TRDN: variants seen among roughly 807,000 people sequenced by gnomAD.
The protein encoded by TRDN is triadin.
TRDN carries 161 observed loss-of-function variants against 149.7 expected under a neutral mutation model. The ratio of observed to expected loss-of-function variants is 1.08; its 90% CI spans 0.95 to 1.23. TRDN has a LOEUF of 1.23. Ranked by LOEUF, TRDN falls within the 50% of genes most tolerant of loss-of-function variation. The pLI is 0.00. For synonymous variants in TRDN, 294 were observed against 250.5 expected (o/e 1.17, Z -1.64); for missense variants, 896 against 823.5 (o/e 1.09, Z -1.08).
At chr6:123,278,837 T>C (rs757490713) in intron 25 of TRDN, among the ~76,000 whole-genome samples, 1 of 152,178 alleles carries the variant, frequency 6.6e-6, no homozygotes, top group Non-Finnish European at 1.5e-5. Flanking sequence ...TAAGGAAAGA[T>C]GCTTCCAGTG....
chr6:123,549,018 A>T (rs9482405), intron 2 of TRDN, among the ~76,000 whole-genome samples: 74,655 of 151,798 alleles, frequency 0.49, 19,121 homozygotes, highest in Non-Finnish European at 0.53. Flanking sequence ...CAGACAAATA[A>T]CAAGTTCTGC....
chr6:123,285,690 A>T (rs775700551), intron 24 of TRDN, among the ~76,000 whole-genome samples: 2 of 152,148 alleles, frequency 1.3e-5, no homozygotes, highest in Non-Finnish European at 2.9e-5. Flanking sequence ...AATCGGTGGG[A>T]CTTAATTAAA....
chr6:123,388,423 T>C, intron 14 of TRDN, 99 bp downstream of exon 14: 1 of 1,342,008 alleles, frequency 7.5e-7, no homozygotes, highest in Non-Finnish European at 1.0e-6. Context: ...GATCCAGTTA[T>C]CCAAGGGGAA....
In TRDN at chr6:123,218,753, G is replaced by A. The variant is rs763319003; in HGVS notation, c.2051-13C>T. The stretch of plus-strand genomic sequence containing the variant: ...AAACTGATGGGACCTAAGGAACAGA[G>A]CATGACAGTTTGTTAAAACATGCAG... On this transcript the variant is annotated splice_polypyrimidine_tract_variant and intron_variant, in intron 40 of 40. Coordinates refer to ENST00000334268, the MANE Select transcript of TRDN (RefSeq NM_006073.4). The A allele has an allele frequency of 1.7e-5, 27 of 1,556,470 alleles. No individual in the cohort carries two copies. Among genetic ancestry groups the A allele is most frequent in the Non-Finnish European group, 2.4e-5 (27 of 1,148,450 alleles).
At chr6:123,404,491 C>T (rs1219156206) in intron 12 of TRDN, among the ~76,000 whole-genome samples, 1 of 152,044 alleles carries the variant, frequency 6.6e-6, no homozygotes, top group Non-Finnish European at 1.5e-5. Flanking sequence ...TTCTGTCACC[C>T]AGGCGGGAGT....
In TRDN at chr6:123,258,754, T is replaced by C. The variant is rs562144889; in HGVS notation, c.1870+870A>G. On this transcript the variant is annotated intron_variant, in intron 35 of 40. Coordinates refer to ENST00000334268, the MANE Select transcript of TRDN (RefSeq NM_006073.4). ...ACCTCTGGTAGAATTCGTCTGTGAA[T>C]CCGTCTGGTCCTGGGCTTTTGTTTT... 9.2e-5 allele frequency among the ~76,000 whole-genome samples: 14 copies of C among 152,244 alleles called. No individual in the cohort carries two copies. The East Asian group carries it at 2.5e-3, about 27-fold the overall frequency.
intron 2 of TRDN, among the ~76,000 whole-genome samples, chr6:123,566,947 T>G (rs551076170): frequency 6.6e-6 from 1 of 152,224 alleles, no homozygotes; most frequent in Non-Finnish European, 1.5e-5. Context: ...TCTTATTTTA[T>G]AAAATGCACA....
At chr6:123,225,557 G>T (rs1412130771) in intron 38 of TRDN, among the ~76,000 whole-genome samples, 1 of 150,664 alleles carries the variant, frequency 6.6e-6, no homozygotes, top group Non-Finnish European at 1.5e-5. Flanking sequence ...CACACACACA[G>T]AATGGTGGTA....
At chr6:123,498,207 T>C (rs760282546) in intron 8 of TRDN, 25 of 169,542 alleles carry the variant, frequency 1.5e-4, no homozygotes, top group Non-Finnish European at 2.7e-4. Flanking sequence ...CAAGAGAGTT[T>C]ATTGAATTTA....
chr6:123,636,645 G>A lies in TRDN; in HGVS notation c.22+109C>T, dbSNP rs1410295275. 12 of 1,288,780 alleles carry A rather than the reference G, an allele frequency of 9.3e-6. No individual in the cohort carries two copies. In the Admixed American group the frequency reaches 1.4e-4, roughly 15 times the overall value. 79.8% of individuals were successfully genotyped at this position (1,288,780 alleles called of 1,614,324 possible). A position where few individuals can be genotyped will look rare whatever the true frequency, so the allele number is the denominator to read the frequency against. On this transcript the variant is annotated intron_variant, in intron 1 of 40. Transcript: ENST00000334268. ...ATCCTGTATAGAATCATTGACCAAG[G>A]CAATTACCTTAAAGCAACATTTTAA...
intron 21 of TRDN, chr6:123,351,849 A>C (rs1195669988): frequency 1.7e-5 from 17 of 983,182 alleles, no homozygotes; most frequent in Non-Finnish European, 2.1e-5. Context: ...CGACAATTAA[A>C]ATTATTAGCA....
intron 10 of TRDN, among the ~76,000 whole-genome samples, chr6:123,463,340 GAAA>G (rs757396311): frequency 0.17 from 20,556 of 119,806 alleles, 1,860 homozygotes; most frequent in South Asian, 0.32. Flanking sequence ...TCCGTCTCAA[GAAA>G]AAAAAAAAAT....
intron 2 of TRDN, among the ~76,000 whole-genome samples, chr6:123,569,581 A>T (rs1782457209): frequency 6.6e-6 from 1 of 152,234 alleles, no homozygotes; most frequent in Admixed American, 6.5e-5. Context: ...ATAGGCTCAC[A>T]GTTATACAGG....
At chr6:123,634,627 A>T (rs1786196628) in intron 1 of TRDN, among the ~76,000 whole-genome samples, 1 of 151,892 alleles carries the variant, frequency 6.6e-6, no homozygotes, top group Non-Finnish European at 1.5e-5. Context: ...ATAACATGAA[A>T]CTGTGTAGTA....
Position 123,585,516 on chromosome 6 carries a change from G to C in TRDN, c.23-14384C>G, listed in dbSNP as rs550913038. ...TTACCCGAAGCTCGGCATCCATGAT[G>C]GTCTAGGGGGCTTCCGAGGCGATTG... On this transcript the variant is annotated intron_variant, in intron 1 of 40. Coordinates refer to ENST00000334268, the MANE Select transcript of TRDN (RefSeq NM_006073.4). Among the ~76,000 whole-genome samples the C allele has an allele frequency of 6.0e-4, 92 of 152,276 alleles. No homozygotes were observed. The East Asian group carries it at 0.017, about 28-fold the overall frequency.
chr6:123,409,508 T>C (rs115597298), intron 12 of TRDN, among the ~76,000 whole-genome samples: 246 of 152,314 alleles, frequency 1.6e-3, no homozygotes, highest in African/African-American at 5.7e-3. Flanking sequence ...CCAACCATAA[T>C]ACTTTGAACA....
intron 12 of TRDN, among the ~76,000 whole-genome samples, chr6:123,398,840 G>A (rs1369848571): frequency 6.6e-6 from 1 of 152,196 alleles, no homozygotes; most frequent in Non-Finnish European, 1.5e-5. Context: ...GGTGCACAAT[G>A]CAGAAATATG....
intron 1 of TRDN, among the ~76,000 whole-genome samples, chr6:123,576,146 T>C (rs563664997): frequency 6.6e-6 from 1 of 152,148 alleles, no homozygotes; most frequent in African/African-American, 2.4e-5. Flanking sequence ...CCCAATCACA[T>C]GAAAAAGTGA....
intron 12 of TRDN, among the ~76,000 whole-genome samples, chr6:123,429,811 A>G (rs1774259048): frequency 6.6e-6 from 1 of 152,314 alleles, no homozygotes; most frequent in South Asian, 2.1e-4. Context: ...TCCTATTAAT[A>G]AATATGAACT....
Sources: allele counts gnomAD v4.1 joint callset (sites outside exome capture counted in the v4.1 genomes callset), GRCh38; gene constraint gnomAD v4.1.1; transcripts MANE v1.5; gene names NCBI Gene and HGNC (gene_info 2026-07-23, HGNC 2026-07-21).